The following PTPRT variants were observed in gnomAD, a reference collection of about 807,000 sequenced individuals.
PTPRT encodes the protein protein tyrosine phosphatase receptor type T.
In PTPRT, 56 loss-of-function variants were observed where a neutral mutation model predicts 176.8. That is an observed-to-expected ratio of 0.32 (90% CI 0.26 to 0.40). The LOEUF (loss-of-function observed/expected upper bound fraction) is 0.40, where lower values mean the gene tolerates loss of function less well. Among genes scored for constraint, PTPRT ranks in the 10% least tolerant of loss-of-function variants. The probability of loss-of-function intolerance (pLI) is 1.00; values close to 1 mark genes in which losing one functional copy is unlikely to be tolerated. For missense variants in PTPRT, 1,540 were observed against 1,908.2 expected (o/e 0.81, Z 3.60); for synonymous variants, 783 against 739.0 (o/e 1.06, Z -0.96).
intron 7 of PTPRT, among the ~76,000 whole-genome samples, chr20:42,647,986 C>T (rs2074944458): frequency 6.6e-6 from 1 of 151,776 alleles, no homozygotes; most frequent in Non-Finnish European, 1.5e-5. Context: ...AGATGGCAAC[C>T]AAGGACACTT....
At chr20:42,401,202 G>A (rs777665169) in intron 9 of PTPRT, among the ~76,000 whole-genome samples, 25 of 151,848 alleles carry the variant, frequency 1.6e-4, no homozygotes, top group Non-Finnish European at 2.8e-4. Context: ...TATCGGGATG[G>A]ACATCTTAAC....
intron 1 of PTPRT, among the ~76,000 whole-genome samples, chr20:43,133,483 C>G (rs1037026985): frequency 6.6e-6 from 1 of 152,152 alleles, no homozygotes. Context: ...CGGTGGCTCA[C>G]GCCTGTAATC....
chr20:42,619,156 C>A (rs2074139697), intron 7 of PTPRT, among the ~76,000 whole-genome samples: 1 of 150,416 alleles, frequency 6.6e-6, no homozygotes, highest in Non-Finnish European at 1.5e-5. Context: ...AATGTCTCAG[C>A]ATTTGCTTGT....
At position 42,686,760 on chromosome 20, in the gene PTPRT, G is replaced by T. The variant is rs8118618; in HGVS notation, c.860-8601C>A. ...ATCCGCCTCAGTGTCCCAAAGTGCT[G>T]GGATTACAGGCGTGAGCCACCCTGC... On this transcript the variant is annotated intron_variant, in intron 6 of 30. Transcript: ENST00000373187. 4.3e-3 allele frequency among the ~76,000 whole-genome samples: 648 copies of T among 151,870 alleles called. 7 individuals carry two copies. Among genetic ancestry groups the T allele is most frequent in the African/African-American group, 0.015 (633 of 41,428 alleles).
At chr20:42,371,993 T>C (rs773486965) in intron 9 of PTPRT, among the ~76,000 whole-genome samples, 13 of 152,160 alleles carry the variant, frequency 8.5e-5, no homozygotes, top group Non-Finnish European at 1.9e-4. Context: ...ACTTCTCTAC[T>C]CCTAGGATGT....
intron 7 of PTPRT, among the ~76,000 whole-genome samples, chr20:42,591,373 GA>G (rs1226882213): frequency 1.3e-5 from 2 of 152,174 alleles, no homozygotes; most frequent in East Asian, 3.9e-4. Context: ...GCAATCCTAA[GA>G]TATCTATAGC....
chr20:42,531,869 CAT>C (rs1015870948), intron 7 of PTPRT, among the ~76,000 whole-genome samples: 3 of 152,174 alleles, frequency 2.0e-5, no homozygotes, highest in Admixed American at 6.5e-5. Flanking sequence ...GCAAGGGAAA[CAT>C]ATACAGAAAA....
intron 1 of PTPRT, among the ~76,000 whole-genome samples, chr20:42,977,598 T>C (rs1983022910): frequency 6.6e-6 from 1 of 152,226 alleles, no homozygotes; most frequent in East Asian, 1.9e-4. Context: ...CATTTATTTA[T>C]GTTTACATAT....
At chr20:42,940,698 G>A (rs980250513) in intron 1 of PTPRT, among the ~76,000 whole-genome samples, 7 of 152,282 alleles carry the variant, frequency 4.6e-5, no homozygotes, top group African/African-American at 1.4e-4. Flanking sequence ...CTGGGGAAGA[G>A]TCCAGAGAGC....
At chr20:42,859,227 G>A (rs2078617128) in intron 2 of PTPRT, among the ~76,000 whole-genome samples, 1 of 152,174 alleles carries the variant, frequency 6.6e-6, no homozygotes, top group Non-Finnish European at 1.5e-5. Flanking sequence ...CAGCCACTTT[G>A]TGAAGCAAGT....
intron 2 of PTPRT, among the ~76,000 whole-genome samples, chr20:42,883,843 CATAG>C (rs1568658739): frequency 2.0e-4 from 15 of 73,616 alleles, no homozygotes; most frequent in Middle Eastern, 7.4e-3. Flanking sequence ...CCCCCATACA[CATAG>C]ACACACACCC....
intron 7 of PTPRT, among the ~76,000 whole-genome samples, chr20:42,501,935 C>T (rs535098392): frequency 6.6e-6 from 1 of 151,828 alleles, no homozygotes; most frequent in East Asian, 1.9e-4. Flanking sequence ...GGAAATTTTC[C>T]TATATTTTTC....
At chr20:42,899,753 T>A (rs185810053) in intron 1 of PTPRT, among the ~76,000 whole-genome samples, 67 of 152,290 alleles carry the variant, frequency 4.4e-4, no homozygotes, top group African/African-American at 1.4e-3. Context: ...CATGAATGAA[T>A]GAATGAAATA....
At chr20:42,138,479 C>T (rs1988477794) in intron 18 of PTPRT, among the ~76,000 whole-genome samples, 1 of 152,236 alleles carries the variant, frequency 6.6e-6, no homozygotes, top group Admixed American at 6.5e-5. Flanking sequence ...CCCTTGTAGT[C>T]TTTCTACATC....
In PTPRT at chr20:42,517,607, G is replaced by A. The variant is rs143445457; in HGVS notation, c.1154-45045C>T. ...CATTAATTTTCAACTTTACATCTTT[G>A]CTAACATAAACATTTATGGCTTAAA... is the stretch of plus-strand genomic sequence containing the variant. On this transcript the variant is annotated intron_variant, in intron 7 of 30. Coordinates refer to ENST00000373187, the MANE Select transcript of PTPRT (RefSeq NM_007050.6). 3.6e-3 allele frequency among the ~76,000 whole-genome samples: 551 copies of A among 151,840 alleles called. 6 individuals are homozygous for A. Among genetic ancestry groups the A allele is most frequent in the African/African-American group, 0.013 (524 of 41,456 alleles).
intron 11 of PTPRT, among the ~76,000 whole-genome samples, chr20:42,321,397 C>G (rs1433179851): frequency 6.6e-6 from 1 of 152,158 alleles, no homozygotes; most frequent in East Asian, 1.9e-4. Flanking sequence ...AAATGTGCAG[C>G]TACAAAATCA....
At chr20:43,125,658 C>T (rs574895139) in intron 1 of PTPRT, among the ~76,000 whole-genome samples, 1 of 152,248 alleles carries the variant, frequency 6.6e-6, no homozygotes, top group East Asian at 1.9e-4. Flanking sequence ...TATTACTGTT[C>T]ATTTGAAACC....
intron 16 of PTPRT, 74 bp downstream of exon 16, chr20:42,199,166 T>A: frequency 2.0e-6 from 3 of 1,530,110 alleles, no homozygotes; most frequent in Non-Finnish European, 2.7e-6. Context: ...GATCAATGTG[T>A]GGGGTTCACA....
At position 42,303,482 on chromosome 20, in the gene PTPRT, C is replaced by A. The variant is rs141920955; in HGVS notation, c.2139+12241G>T. ...GAAGCTATCTTGTGGGACTAGGGCTCGGCATGAAACGGAGCAGTAAATGCA... is the reference window on the plus strand; with the variant it reads ...GAAGCTATCTTGTGGGACTAGGGCTAGGCATGAAACGGAGCAGTAAATGCA... On this transcript the variant is annotated intron_variant, in intron 12 of 30. Coordinates refer to ENST00000373187, the MANE Select transcript of PTPRT (RefSeq NM_007050.6). Among the ~76,000 whole-genome samples, 783 of 152,218 alleles carry A rather than the reference C, an allele frequency of 5.1e-3. 1 individual carries two copies. Among genetic ancestry groups the A allele is most frequent in the Non-Finnish European group, 7.4e-3 (505 of 68,018 alleles).
Sources: gnomAD v4.1 joint callset for allele counts (sites outside exome capture counted in the v4.1 genomes callset) on GRCh38, gnomAD v4.1.1 for gene constraint, MANE v1.5 for transcripts, NCBI Gene and HGNC (gene_info 2026-07-23, HGNC 2026-07-21) for gene names.